The following PARM1 variants were observed in gnomAD, a reference collection of about 807,000 sequenced individuals.
PARM1 encodes prostate androgen-regulated mucin-like protein 1.
PARM1 carries 14 observed loss-of-function variants against 24.6 expected under a neutral mutation model. The ratio of observed to expected loss-of-function variants is 0.57; its 90% CI spans 0.38 to 0.89. The LOEUF is 0.89. Among genes scored for constraint, PARM1 ranks in the 40% least tolerant of loss-of-function variants. The pLI, the probability that PARM1 is intolerant of heterozygous loss-of-function variation, is 0.00. For missense variants in PARM1, 362 were observed against 380.4 expected, an observed-to-expected ratio of 0.95 and a Z score of 0.40; for synonymous variants, 179 against 156.6, an observed-to-expected ratio of 1.14 and a Z score of -1.07.
chr4:74,960,736 G>C (rs958882111), intron 1 of PARM1, among the ~76,000 whole-genome samples: 7 of 152,072 alleles, frequency 4.6e-5, no homozygotes, highest in Admixed American at 3.3e-4. Flanking sequence ...TAAAACAATT[G>C]TCTTAAAGGT....
chr4:74,973,717 C>G (rs1321983015), intron 1 of PARM1, among the ~76,000 whole-genome samples: 1 of 152,150 alleles, frequency 6.6e-6, no homozygotes, highest in Non-Finnish European at 1.5e-5. Flanking sequence ...TATTCACACT[C>G]TGCAGATTCT....
intron 1 of PARM1, among the ~76,000 whole-genome samples, chr4:74,941,401 A>AT (rs1354327820): frequency 6.6e-6 from 1 of 152,180 alleles, no homozygotes; most frequent in Non-Finnish European, 1.5e-5. Context: ...TTCTGCAAAA[A>AT]TTACGGAGGA....
chr4:74,963,301 A>G (rs1353909325), intron 1 of PARM1, among the ~76,000 whole-genome samples: 2 of 152,244 alleles, frequency 1.3e-5, no homozygotes, highest in East Asian at 3.8e-4. Context: ...TTTCTTAAAA[A>G]TGTATATTAA....
chr4:75,025,619 C>T (rs1209453639), intron 2 of PARM1, among the ~76,000 whole-genome samples: 5 of 152,052 alleles, frequency 3.3e-5, no homozygotes, highest in Non-Finnish European at 7.3e-5. Flanking sequence ...TGCAAATGTG[C>T]GCTCCCCAGG....
At chr4:74,976,295 T>C (rs1234983448) in intron 1 of PARM1, among the ~76,000 whole-genome samples, 2 of 152,204 alleles carry the variant, frequency 1.3e-5, no homozygotes, top group Admixed American at 6.5e-5. Context: ...CAGTTTGGAC[T>C]GGGAGGAATT....
intron 1 of PARM1, among the ~76,000 whole-genome samples, chr4:74,998,904 G>T (rs1722626975): frequency 6.6e-6 from 1 of 152,228 alleles, no homozygotes; most frequent in Non-Finnish European, 1.5e-5. Context: ...TGGAGTCTCT[G>T]GTGATAAGTT....
At chr4:74,980,112 G>C (rs894370957) in intron 1 of PARM1, among the ~76,000 whole-genome samples, 1 of 152,108 alleles carries the variant, frequency 6.6e-6, no homozygotes. Flanking sequence ...GGATTTTCTG[G>C]CCAGGGCAAT....
chr4:74,960,287 T>C (rs572043239), intron 1 of PARM1, among the ~76,000 whole-genome samples: 1 of 152,352 alleles, frequency 6.6e-6, no homozygotes, highest in Admixed American at 6.5e-5. Flanking sequence ...TGCACTTTCA[T>C]TTAATTTTTT....
At chr4:74,963,333 G>A (rs77586473) in intron 1 of PARM1, among the ~76,000 whole-genome samples, 10,893 of 152,124 alleles carry the variant, frequency 0.072, 463 homozygotes, top group Non-Finnish European at 0.094. Context: ...TTCAACATAC[G>A]ATTCAAACAG....
intron 2 of PARM1, among the ~76,000 whole-genome samples, chr4:75,018,456 A>G (rs1040315661): frequency 2.6e-5 from 4 of 152,228 alleles, no homozygotes; most frequent in Admixed American, 2.6e-4. Context: ...ATTTGGAACC[A>G]TGTATGCCAG....
At chr4:74,943,727 A>G (rs1012168799) in intron 1 of PARM1, among the ~76,000 whole-genome samples, 3 of 152,188 alleles carry the variant, frequency 2.0e-5, no homozygotes, top group African/African-American at 7.2e-5. Context: ...AGATACCTTC[A>G]CCATTCGAGC....
chr4:74,980,673 G>A (rs1722233036), intron 1 of PARM1, among the ~76,000 whole-genome samples: 1 of 152,120 alleles, frequency 6.6e-6, no homozygotes, highest in South Asian at 2.1e-4. Context: ...TAAGCAAAAA[G>A]AACAAAGCTG....
chr4:74,954,506 C>T (rs551854758), intron 1 of PARM1, among the ~76,000 whole-genome samples: 1 of 152,170 alleles, frequency 6.6e-6, no homozygotes, highest in Admixed American at 6.5e-5. Context: ...TAATGCCCAA[C>T]AAAAAAACAC....
chr4:74,969,353 G>C (rs991582813), intron 1 of PARM1: 4 of 152,222 alleles, frequency 2.6e-5, no homozygotes, highest in African/African-American at 9.7e-5. Flanking sequence ...TAACATGTAA[G>C]AAGGGACTTA....
At chr4:74,979,265 A>C (rs537570697) in intron 1 of PARM1, among the ~76,000 whole-genome samples, 1 of 152,290 alleles carries the variant, frequency 6.6e-6, no homozygotes, top group South Asian at 2.1e-4. Flanking sequence ...AAACACAATA[A>C]AAAATGATAA....
At chr4:74,957,190 T>C (rs763133994) in intron 1 of PARM1, 28 of 152,248 alleles carry the variant, frequency 1.8e-4, no homozygotes, top group Admixed American at 1.2e-3. Flanking sequence ...GGAAAGTTGG[T>C]ACTACTGGTC....
chr4:74,951,312 T>A (rs994617091), intron 1 of PARM1, among the ~76,000 whole-genome samples: 1 of 152,160 alleles, frequency 6.6e-6, no homozygotes, highest in African/African-American at 2.4e-5. Context: ...AGGAAGAGTA[T>A]AGAGAGATAG....
intron 2 of PARM1, among the ~76,000 whole-genome samples, chr4:75,030,231 C>A (rs557302370): frequency 2.0e-4 from 31 of 152,140 alleles, no homozygotes; most frequent in Non-Finnish European, 4.3e-4. Flanking sequence ...ATTAAAAATG[C>A]AAAACCAGGA....
At chr4:74,934,086 A>G (rs967446261) in intron 1 of PARM1, among the ~76,000 whole-genome samples, 3 of 151,808 alleles carry the variant, frequency 2.0e-5, no homozygotes, top group African/African-American at 7.3e-5. Context: ...GCTTCGTAGG[A>G]GCCACTCTCG....
Sources: allele counts gnomAD v4.1 joint callset (sites outside exome capture counted in the v4.1 genomes callset), GRCh38; gene constraint gnomAD v4.1.1; transcripts MANE v1.5; gene names NCBI Gene and HGNC (gene_info 2026-07-23, HGNC 2026-07-21).